Variants in TRPM7 observed in about 807,000 individuals in gnomAD.
The protein encoded by TRPM7 is LTRPC ion channel family member 7.
TRPM7 carries 134 observed loss-of-function variants against 229.7 expected under a neutral mutation model. That is an observed-to-expected ratio of 0.58 (90% CI 0.51 to 0.67). The LOEUF (loss-of-function observed/expected upper bound fraction) is 0.67. TRPM7 is among the 30% of genes least tolerant of loss of function. TRPM7 has a pLI of 0.00. For synonymous variants in TRPM7, 699 were observed against 715.2 expected (o/e 0.98, Z 0.36); for missense variants, 1,901 against 2,210.0 (o/e 0.86, Z 2.80).
chr15:50,658,081 T>G (rs898499340), intron 2 of TRPM7, among the ~76,000 whole-genome samples: 1 of 150,740 alleles, frequency 6.6e-6, no homozygotes, highest in African/African-American at 2.4e-5. Context: ...CTCAGCTCAC[T>G]GCAAGCTCCG....
chr15:50,580,126 C>T (rs72740428), intron 30 of TRPM7, among the ~76,000 whole-genome samples: 5,173 of 152,260 alleles, frequency 0.034, 108 homozygotes, highest in Middle Eastern at 0.099. Context: ...ATAATAATTT[C>T]CCCCAAATTG....
At chr15:50,615,221 T>C (rs1290813746) in intron 13 of TRPM7, among the ~76,000 whole-genome samples, 4 of 150,188 alleles carry the variant, frequency 2.7e-5, no homozygotes, top group African/African-American at 9.8e-5. Context: ...CAGCCAAATA[T>C]TCCATTTTCA....
intron 6 of TRPM7, 104 bp downstream of exon 6, chr15:50,639,320 G>A: frequency 1.0e-6 from 1 of 984,840 alleles, no homozygotes; most frequent in Non-Finnish European, 1.3e-6. Flanking sequence ...AACTTAATTT[G>A]AAAAGTATAA....
At chr15:50,660,007 C>T (rs993711225) in intron 2 of TRPM7, among the ~76,000 whole-genome samples, 12 of 152,042 alleles carry the variant, frequency 7.9e-5, no homozygotes, top group East Asian at 1.9e-4. Context: ...TCAATTTCTC[C>T]GGAAGAAAAA....
intron 13 of TRPM7, among the ~76,000 whole-genome samples, chr15:50,617,436 G>C (rs28478598): frequency 0.02 from 3,096 of 151,706 alleles, 123 homozygotes; most frequent in African/African-American, 0.072. Flanking sequence ...CCAGGAGGCA[G>C]AGGTTGCAGT....
At chr15:50,637,351 C>G (rs2060940056) in intron 7 of TRPM7, 71 bp downstream of exon 7, 1 of 1,402,816 alleles carries the variant, frequency 7.1e-7, no homozygotes, top group South Asian at 1.3e-5. Context: ...GAACATTCTA[C>G]TTTCTTTGAA....
At chr15:50,607,815 T>G (rs2059957626) in intron 19 of TRPM7, among the ~76,000 whole-genome samples, 1 of 147,122 alleles carries the variant, frequency 6.8e-6, no homozygotes, top group African/African-American at 2.5e-5. Flanking sequence ...GGGAAGCCAA[T>G]GCAGGCAGAT....
intron 11 of TRPM7, 120 bp downstream of exon 11, chr15:50,628,028 TA>T (rs2060620144): frequency 2.8e-6 from 2 of 703,512 alleles, no homozygotes; most frequent in Non-Finnish European, 4.9e-6. Context: ...AATACTTAGC[TA>T]AACTATTTTT....
chr15:50,578,634 C>A lies in TRPM7; in HGVS notation c.4618+5G>T. 6.2e-7 allele frequency: 1 copy of A among 1,610,054 alleles called. No individual in the cohort carries two copies. Among genetic ancestry groups the A allele is most frequent in the African/African-American group, 1.3e-5 (1 of 74,896 alleles). Reference sequence around the variant, plus strand: ...TTTCACGTTCAATCTACCACACAGACTCACCATTTAATGTTCCTTCTTCAG... The same window carrying A: ...TTTCACGTTCAATCTACCACACAGAATCACCATTTAATGTTCCTTCTTCAG... On this transcript the variant is annotated splice_donor_5th_base_variant and intron_variant, in intron 31 of 38. Transcript: ENST00000646667.
intron 38 of TRPM7, among the ~76,000 whole-genome samples, chr15:50,566,621 G>A (rs2053610023): frequency 6.6e-6 from 1 of 152,116 alleles, no homozygotes; most frequent in Non-Finnish European, 1.5e-5. Context: ...GTTTGAACCT[G>A]GGAGGTGGAG....
At chr15:50,639,635 C>A in intron 5 of TRPM7, 87 bp from the exon 6 acceptor site, 1 of 1,184,300 alleles carries the variant, frequency 8.4e-7, no homozygotes, top group East Asian at 2.7e-5. Context: ...GGCGCAATGA[C>A]AGCTCACTGC....
intron 38 of TRPM7, among the ~76,000 whole-genome samples, 189 bp downstream of exon 38, chr15:50,569,698 C>T (rs143841062): frequency 3.3e-5 from 5 of 152,188 alleles, no homozygotes; most frequent in African/African-American, 1.2e-4. Flanking sequence ...AATTAATGAA[C>T]TTTGTATAAA....
intron 38 of TRPM7, among the ~76,000 whole-genome samples, chr15:50,565,139 G>A (rs949108384): frequency 9.9e-5 from 15 of 151,676 alleles, no homozygotes; most frequent in Non-Finnish European, 1.3e-4. Flanking sequence ...CCACCACCAC[G>A]CCCAGCTAAT....
At chr15:50,658,082 G>A (rs1442285399) in intron 2 of TRPM7, among the ~76,000 whole-genome samples, 1 of 148,328 alleles carries the variant, frequency 6.7e-6, no homozygotes, top group Admixed American at 6.8e-5. Context: ...TCAGCTCACT[G>A]CAAGCTCCGC....
chr15:50,657,539 G>T (rs1182674390), intron 3 of TRPM7, among the ~76,000 whole-genome samples: 1 of 151,944 alleles, frequency 6.6e-6, no homozygotes, highest in African/African-American at 2.4e-5. Context: ...CACTGCTCTC[G>T]CTGCCTAAAA....
intron 7 of TRPM7, among the ~76,000 whole-genome samples, chr15:50,635,215 G>C (rs1024560286): frequency 5.3e-5 from 8 of 150,732 alleles, no homozygotes; most frequent in African/African-American, 1.7e-4. Flanking sequence ...TACTCAGGAG[G>C]GCTGAGGCAG....
rs576452437 is a variant in TRPM7, at chr15:50,662,192, A to T, written c.83+775T>A. Among the ~76,000 whole-genome samples, 118 of 152,280 alleles carry T rather than the reference A, an allele frequency of 7.7e-4. 1 individual carries two copies. Among genetic ancestry groups the T allele is most frequent in the Admixed American group, 3.1e-3 (47 of 15,280 alleles). On this transcript the variant is annotated intron_variant, in intron 2 of 38. Transcript: ENST00000646667. ...CATGGTGAAACCCCATCTCTACTAA[A>T]AATACAAAAATTTAGCCGGCTGTGG...
chr15:50,610,322 C>A (rs902839821), intron 17 of TRPM7, among the ~76,000 whole-genome samples: 12 of 152,040 alleles, frequency 7.9e-5, no homozygotes, highest in Admixed American at 5.2e-4. Context: ...GTGCTATGTC[C>A]TTAATTTTAT....
chr15:50,605,157 C>T lies in TRPM7; in HGVS notation c.2710-13G>A, dbSNP rs768963923. ...CAGACATAAAGATCTAAAGGTTTAA[C>T]AACAACAAAAAAAAGTGTAATCAGT... On this transcript the variant is annotated splice_polypyrimidine_tract_variant and intron_variant, in intron 20 of 38. Transcript: ENST00000646667. 6 of 1,554,004 alleles carry T rather than the reference C, an allele frequency of 3.9e-6. No individual in the cohort carries two copies. The highest frequency in any genetic ancestry group is 5.2e-6 in the Non-Finnish European group (6 of 1,155,838).
Sources: gnomAD v4.1 joint callset for allele counts (sites outside exome capture counted in the v4.1 genomes callset) on GRCh38, gnomAD v4.1.1 for gene constraint, MANE v1.5 for transcripts, NCBI Gene and HGNC (gene_info 2026-07-23, HGNC 2026-07-21) for gene names.